The following DLG2 variants were observed in gnomAD, a reference collection of about 807,000 sequenced individuals.
DLG2 encodes disks large homolog 2.
Under a neutral mutation model 132.5 loss-of-function variants are expected in DLG2, and 45 were observed. The observed-to-expected ratio is 0.34, with a 90% CI of 0.27 to 0.44. DLG2 has a LOEUF of 0.44. Ranked by LOEUF, DLG2 falls within the 20% of genes least tolerant of loss-of-function variation. The probability of loss-of-function intolerance (pLI) is 1.00; values close to 1 mark genes in which losing one functional copy is unlikely to be tolerated. For missense variants in DLG2, 1,045 were observed against 1,196.9 expected, an observed-to-expected ratio of 0.87 and a Z score of 1.87; for synonymous variants, 424 against 419.6, an observed-to-expected ratio of 1.01 and a Z score of -0.13.
At chr11:84,456,266 A>C (rs1333524950) in intron 7 of DLG2, among the ~76,000 whole-genome samples, 1 of 151,388 alleles carries the variant, frequency 6.6e-6, no homozygotes, top group African/African-American at 2.4e-5. Context: ...GTAATGCCTT[A>C]GAATCAGATA....
At chr11:83,817,056 CTTCA>C (rs2049193888) in intron 17 of DLG2, among the ~76,000 whole-genome samples, 1 of 152,094 alleles carries the variant, frequency 6.6e-6, no homozygotes, top group Non-Finnish European at 1.5e-5. Context: ...AGTAATCTAG[CTTCA>C]TTCATTCATT....
intron 3 of DLG2, among the ~76,000 whole-genome samples, chr11:85,582,126 G>C (rs564657424): frequency 6.6e-6 from 1 of 152,278 alleles, no homozygotes; most frequent in East Asian, 1.9e-4. Flanking sequence ...AGAAATTGAA[G>C]ATGCATGCAA....
chr11:83,597,572 C>T (rs1410685866), intron 19 of DLG2, among the ~76,000 whole-genome samples: 4 of 151,782 alleles, frequency 2.6e-5, no homozygotes, highest in Non-Finnish European at 5.9e-5. Flanking sequence ...TAGTGTGTGC[C>T]TATAGTCGCC....
chr11:84,596,698 G>A (rs1007539330), intron 6 of DLG2, among the ~76,000 whole-genome samples: 2 of 152,080 alleles, frequency 1.3e-5, no homozygotes, highest in East Asian at 1.9e-4. Context: ...ACCATCATGC[G>A]TTTGCCACAG....
chr11:84,797,540 G>A (rs2074806617), intron 6 of DLG2, among the ~76,000 whole-genome samples: 1 of 152,094 alleles, frequency 6.6e-6, no homozygotes, highest in African/African-American at 2.4e-5. Context: ...TATGTCAGTT[G>A]AATTTTTCAG....
At position 84,779,134 on chromosome 11, in the gene DLG2, G is replaced by A. The variant is rs115915383; in HGVS notation, c.358-244403C>T. Among the ~76,000 whole-genome samples the A allele has an allele frequency of 6.6e-3, 1,003 of 151,886 alleles. 13 individuals carry two copies. The highest frequency in any genetic ancestry group is 0.022 in the African/African-American group (917 of 41,406). On this transcript the variant is annotated intron_variant, in intron 6 of 27. Coordinates refer to ENST00000376104, the MANE Select transcript of DLG2 (RefSeq NM_001142699.3). The stretch of plus-strand genomic sequence containing the variant: ...CAGATGGCCTACTGTGGGACTTCAC[G>A]TTGTGATTGTGTGAGTAATTCTCCT...
chr11:84,584,028 T>C (rs933813134), intron 6 of DLG2, among the ~76,000 whole-genome samples: 24 of 152,172 alleles, frequency 1.6e-4, no homozygotes, highest in Admixed American at 2.6e-4. Flanking sequence ...CTATGGGCAA[T>C]GGACATTTAC....
intron 6 of DLG2, among the ~76,000 whole-genome samples, chr11:84,776,550 T>G (rs1185923247): frequency 1.3e-5 from 2 of 152,178 alleles, no homozygotes; most frequent in African/African-American, 4.8e-5. Context: ...TTTATGTATG[T>G]TTATAATTCA....
At chr11:85,266,274 G>A (rs947381213) in intron 4 of DLG2, among the ~76,000 whole-genome samples, 8 of 152,306 alleles carry the variant, frequency 5.3e-5, no homozygotes, top group Non-Finnish European at 8.8e-5. Flanking sequence ...TCCCATGTGC[G>A]GTGGATCATG....
intron 7 of DLG2, among the ~76,000 whole-genome samples, chr11:84,295,725 A>C (rs1177803972): frequency 6.6e-6 from 1 of 151,964 alleles, no homozygotes; most frequent in Non-Finnish European, 1.5e-5. Flanking sequence ...CAACACACTC[A>C]CTCATTTTCT....
At chr11:84,425,364 T>C (rs1354117762) in intron 7 of DLG2, among the ~76,000 whole-genome samples, 1 of 152,134 alleles carries the variant, frequency 6.6e-6, no homozygotes, top group Non-Finnish European at 1.5e-5. Context: ...TATTGGAATT[T>C]GCTTTCTAAA....
At chr11:83,904,540 A>G (rs1411438279) in intron 15 of DLG2, among the ~76,000 whole-genome samples, 1 of 152,200 alleles carries the variant, frequency 6.6e-6, no homozygotes, top group Non-Finnish European at 1.5e-5. Flanking sequence ...GCATTTCTGC[A>G]CATGTTGCTA....
intron 3 of DLG2, among the ~76,000 whole-genome samples, chr11:85,591,024 A>C (rs1042562180): frequency 6.6e-6 from 1 of 152,212 alleles, no homozygotes; most frequent in Admixed American, 6.5e-5. Context: ...ACATAAATTT[A>C]GTTAAATGGT....
At chr11:83,995,133 C>T (rs75165803) in intron 11 of DLG2, among the ~76,000 whole-genome samples, 17,610 of 151,932 alleles carry the variant, frequency 0.12, 1,379 homozygotes, top group Middle Eastern at 0.18. Context: ...TTTTCAGGGA[C>T]GCAATTCAAC....
At chr11:84,194,438 G>A (rs558562405) in intron 8 of DLG2, among the ~76,000 whole-genome samples, 2 of 152,130 alleles carry the variant, frequency 1.3e-5, no homozygotes, top group Non-Finnish European at 2.9e-5. Flanking sequence ...AGGTGGCACA[G>A]ACCCAAAGAG....
chr11:83,498,528 C>G (rs1314908579), intron 21 of DLG2, among the ~76,000 whole-genome samples: 2 of 151,254 alleles, frequency 1.3e-5, no homozygotes, highest in Non-Finnish European at 3.0e-5. Flanking sequence ...CACAAGATAC[C>G]AAAATTTATA....
At chr11:85,101,267 A>G in intron 6 of DLG2, among the ~76,000 whole-genome samples, 1 of 152,138 alleles carries the variant, frequency 6.6e-6, no homozygotes, top group East Asian at 1.9e-4. Context: ...TTAGGTAATA[A>G]AATGCCATGA....
rs936105765 is a variant in DLG2 at position 85,075,631 on chromosome 11, C to G, written c.357+36030G>C. On this transcript the variant is annotated intron_variant, in intron 6 of 27. Coordinates refer to ENST00000376104, the MANE Select transcript of DLG2 (RefSeq NM_001142699.3). ...ACATACACATATACTCACATATGCA[C>G]ACAACTGCACAATTATACTATATAT... Among the ~76,000 whole-genome samples, 217 of 151,988 alleles carry G rather than the reference C, an allele frequency of 1.4e-3. 2 individuals carry two copies. The highest frequency in any genetic ancestry group is 8.8e-5 in the Non-Finnish European group (6 of 67,908).
At chr11:85,027,860 C>T (rs938744060) in intron 6 of DLG2, among the ~76,000 whole-genome samples, 4 of 152,194 alleles carry the variant, frequency 2.6e-5, no homozygotes, top group African/African-American at 9.6e-5. Context: ...GGCTGCAGCT[C>T]TTCTCTCCTT....
Sources: gnomAD v4.1 joint callset for allele counts (sites outside exome capture counted in the v4.1 genomes callset) on GRCh38, gnomAD v4.1.1 for gene constraint, MANE v1.5 for transcripts, NCBI Gene and HGNC (gene_info 2026-07-23, HGNC 2026-07-21) for gene names.